Variants in SPATA6 observed in about 807,000 individuals in gnomAD.
The protein encoded by SPATA6 is spermatogenesis-associated protein 6.
SPATA6 carries 56 observed loss-of-function variants against 65.3 expected under a neutral mutation model. The observed-to-expected ratio is 0.86, with a 90% CI of 0.69 to 1.07. The LOEUF (loss-of-function observed/expected upper bound fraction) is 1.07. SPATA6 is among the 50% of genes least tolerant of loss of function. The pLI, the probability that SPATA6 is intolerant of heterozygous loss-of-function variation, is 0.00. For missense variants in SPATA6, 590 were observed against 594.8 expected (o/e 0.99, Z 0.08); for synonymous variants, 199 against 213.2 (o/e 0.93, Z 0.58).
In SPATA6 at chr1:48,321,254, C is replaced by A. The variant is rs145452683; in HGVS notation, c.1195-15376G>T. Among the ~76,000 whole-genome samples the A allele has an allele frequency of 5.3e-3, 799 of 152,130 alleles. 19 individuals are homozygous for A. The highest frequency in any genetic ancestry group is 0.05 in the South Asian group (241 of 4,822). ...AAATTAAAAACAACAACAACAACAA[C>A]AATAATCAACAATTTCTTGCCTACA... On this transcript the variant is annotated intron_variant, in intron 11 of 12. Coordinates refer to ENST00000371847, the MANE Select transcript of SPATA6 (RefSeq NM_019073.4).
At chr1:48,336,579 A>C (rs1299706200) in intron 11 of SPATA6, among the ~76,000 whole-genome samples, 1 of 151,920 alleles carries the variant, frequency 6.6e-6, no homozygotes, top group Non-Finnish European at 1.5e-5. Context: ...AGCTAAATAA[A>C]GAGAATACAT....
At chr1:48,394,266 AACC>A (rs1183498078) in intron 8 of SPATA6, among the ~76,000 whole-genome samples, 1 of 152,122 alleles carries the variant, frequency 6.6e-6, no homozygotes, top group Admixed American at 6.6e-5. Flanking sequence ...AGTTATTAGA[AACC>A]ACAACAGTTC....
intron 9 of SPATA6, among the ~76,000 whole-genome samples, chr1:48,362,905 G>C (rs1192416261): frequency 1.3e-5 from 2 of 152,088 alleles, no homozygotes; most frequent in African/African-American, 4.8e-5. Context: ...CTTAAATGCT[G>C]TAACTCAACA....
At chr1:48,346,822 C>G (rs1423801325) in intron 11 of SPATA6, among the ~76,000 whole-genome samples, 1 of 151,986 alleles carries the variant, frequency 6.6e-6, no homozygotes, top group Non-Finnish European at 1.5e-5. Context: ...GGAAAAGACA[C>G]AAACAAATGG....
intron 10 of SPATA6, 94 bp from the exon 11 acceptor site, chr1:48,355,863 G>T: frequency 4.3e-6 from 4 of 935,560 alleles, no homozygotes; most frequent in Non-Finnish European, 6.6e-6. Context: ...TCAACAAATA[G>T]TCTTAATAAA....
At chr1:48,285,543 G>T in the SPATA6 span, among the ~76,000 whole-genome samples, 1 of 151,198 alleles carries the variant, frequency 6.6e-6, no homozygotes, top group African/African-American at 2.4e-5. Flanking sequence ...GCCCAGTTTT[G>T]TGTGTGAAAC....
chr1:48,454,833 T>C (rs1240058623), intron 1 of SPATA6, among the ~76,000 whole-genome samples: 1 of 152,218 alleles, frequency 6.6e-6, no homozygotes, highest in Non-Finnish European at 1.5e-5. Context: ...AGTTAATATA[T>C]TCAAAGTGCT....
At chr1:48,349,219 T>G (rs1250905573) in intron 11 of SPATA6, among the ~76,000 whole-genome samples, 1 of 151,998 alleles carries the variant, frequency 6.6e-6, no homozygotes, top group Non-Finnish European at 1.5e-5. Flanking sequence ...ATATGATTAC[T>G]TTCTTGCTAC....
chr1:48,466,950 G>A (rs912052292), intron 1 of SPATA6, among the ~76,000 whole-genome samples: 10 of 151,952 alleles, frequency 6.6e-5, no homozygotes, highest in African/African-American at 2.4e-4. Flanking sequence ...TCCCAAATAA[G>A]CTCATAAAAA....
intron 11 of SPATA6, among the ~76,000 whole-genome samples, chr1:48,337,516 A>G (rs1434326043): frequency 6.6e-6 from 1 of 151,766 alleles, no homozygotes; most frequent in African/African-American, 2.4e-5. Flanking sequence ...GAAACCCTAA[A>G]TAACAAAACA....
the SPATA6 span, among the ~76,000 whole-genome samples, chr1:48,274,972 C>T: frequency 6.6e-6 from 1 of 152,190 alleles, no homozygotes; most frequent in African/African-American, 2.4e-5. Context: ...TATCCATGAG[C>T]ATGGAATGTT....
At chr1:48,386,794 G>T (rs1043428516) in intron 8 of SPATA6, among the ~76,000 whole-genome samples, 4 of 152,110 alleles carry the variant, frequency 2.6e-5, no homozygotes, top group African/African-American at 9.7e-5. Context: ...ACTTCCCCTG[G>T]GTCCTTCATG....
intron 9 of SPATA6, among the ~76,000 whole-genome samples, chr1:48,384,151 C>T (rs1372338385): frequency 3.3e-5 from 5 of 149,910 alleles, no homozygotes; most frequent in Non-Finnish European, 5.9e-5. Flanking sequence ...CCGGCCAACA[C>T]AGCGAAACCC....
the SPATA6 span, among the ~76,000 whole-genome samples, chr1:48,275,160 G>C: frequency 6.6e-6 from 1 of 152,138 alleles, no homozygotes; most frequent in African/African-American, 2.4e-5. Context: ...TGGTACATAG[G>C]AATGCTTGTA....
At chr1:48,304,207 G>C (rs758869601) in intron 12 of SPATA6, among the ~76,000 whole-genome samples, 1 of 152,106 alleles carries the variant, frequency 6.6e-6, no homozygotes, top group Non-Finnish European at 1.5e-5. Context: ...CTTCTGAAAG[G>C]TCTTGAAGGA....
intron 11 of SPATA6, among the ~76,000 whole-genome samples, chr1:48,306,457 C>T (rs1369912632): frequency 6.6e-6 from 1 of 151,964 alleles, no homozygotes; most frequent in African/African-American, 2.4e-5. Context: ...TTCTAATAGA[C>T]ACATACAAGG....
chr1:48,299,438 C>T (rs961149013), intron 12 of SPATA6, among the ~76,000 whole-genome samples: 8 of 135,870 alleles, frequency 5.9e-5, no homozygotes, highest in Non-Finnish European at 9.2e-5. Context: ...CACTTGAAAC[C>T]GGGAGGCAGA....
At chr1:48,460,216 G>A (rs567298356) in intron 1 of SPATA6, among the ~76,000 whole-genome samples, 9 of 151,802 alleles carry the variant, frequency 5.9e-5, no homozygotes, top group Non-Finnish European at 1.0e-4. Flanking sequence ...TCCTCCCACC[G>A]CAGCCTCACA....
chr1:48,342,016 C>T (rs1646229553), intron 11 of SPATA6, among the ~76,000 whole-genome samples: 2 of 151,934 alleles, frequency 1.3e-5, no homozygotes, highest in Non-Finnish European at 2.9e-5. Flanking sequence ...TAGTATTAGC[C>T]CAAAATTAAA....
Sources: allele counts gnomAD v4.1 joint callset (sites outside exome capture counted in the v4.1 genomes callset), GRCh38; gene constraint gnomAD v4.1.1; transcripts MANE v1.5; gene names NCBI Gene and HGNC (gene_info 2026-07-23, HGNC 2026-07-21).